The following C9 variants were observed in gnomAD, a reference collection of about 807,000 sequenced individuals.
C9 encodes the protein complement C9, also known as complement component C9.
C9 carries 63 observed loss-of-function variants against 65.4 expected under a neutral mutation model. The observed-to-expected ratio is 0.96, with a 90% CI of 0.79 to 1.19. The LOEUF is 1.19. Ranked by LOEUF, C9 falls within the 50% of genes most tolerant of loss-of-function variation. C9 has a pLI of 0.00. For missense variants in C9, 744 were observed against 670.1 expected, an observed-to-expected ratio of 1.11 and a Z score of -1.22; for synonymous variants, 229 against 227.9, an observed-to-expected ratio of 1.00 and a Z score of -0.04.
intron 4 of C9, among the ~76,000 whole-genome samples, chr5:39,340,224 G>C (rs1754049968): frequency 6.6e-6 from 1 of 152,114 alleles, no homozygotes; most frequent in African/African-American, 2.4e-5. Context: ...TATGACCCAG[G>C]CACAGGAATT....
intron 4 of C9, among the ~76,000 whole-genome samples, chr5:39,336,165 C>A (rs1190012675): frequency 1.3e-5 from 2 of 152,100 alleles, no homozygotes; most frequent in Non-Finnish European, 2.9e-5. Context: ...TGATATTTTT[C>A]TAACAGTTGG....
intron 5 of C9, among the ~76,000 whole-genome samples, chr5:39,324,255 A>G (rs567150988): frequency 8.2e-4 from 125 of 152,326 alleles, no homozygotes; most frequent in African/African-American, 3.0e-3. Flanking sequence ...TGATCTGCAG[A>G]CTCAATGCAA....
chr5:39,286,147 G>A (rs1579833246), intron 10 of C9, among the ~76,000 whole-genome samples: 2 of 152,080 alleles, frequency 1.3e-5, no homozygotes, highest in South Asian at 2.1e-4. Flanking sequence ...TATGGAACCC[G>A]AACCAAGAAC....
intron 5 of C9, among the ~76,000 whole-genome samples, chr5:39,320,849 A>T (rs187295026): frequency 1.6e-4 from 25 of 152,280 alleles, no homozygotes; most frequent in Admixed American, 1.6e-3. Flanking sequence ...AAAGCCTTGA[A>T]TCCAGGAGAG....
chr5:39,304,952 G>T (rs970925052), intron 9 of C9, among the ~76,000 whole-genome samples: 2 of 152,100 alleles, frequency 1.3e-5, no homozygotes, highest in Non-Finnish European at 2.9e-5. Flanking sequence ...TCTCTAGAAC[G>T]TGCTGAACTA....
chr5:39,339,511 G>A (rs1754030352), intron 4 of C9, among the ~76,000 whole-genome samples: 1 of 151,906 alleles, frequency 6.6e-6, no homozygotes, highest in African/African-American at 2.4e-5. Flanking sequence ...TCTCAACCTC[G>A]GCACTGACGC....
chr5:39,289,529 C>T (rs1212822665), intron 9 of C9, among the ~76,000 whole-genome samples: 2 of 151,596 alleles, frequency 1.3e-5, no homozygotes, highest in South Asian at 4.1e-4. Context: ...GAAAGAGATT[C>T]CTCCAGAATA....
chr5:39,292,826 A>G (rs951216256), intron 9 of C9, among the ~76,000 whole-genome samples: 1 of 120,722 alleles, frequency 8.3e-6, no homozygotes, highest in Non-Finnish European at 2.0e-5. Context: ...AAGGCAGACT[A>G]TGATAAATTA....
chr5:39,303,341 A>C (rs1487402825), intron 9 of C9, among the ~76,000 whole-genome samples: 3 of 152,046 alleles, frequency 2.0e-5, no homozygotes, highest in Non-Finnish European at 2.9e-5. Flanking sequence ...GAGAAAGGCC[A>C]AGGAGAGATT....
rs1330093606 is a variant in C9, at chr5:39,364,408, G to T, written c.57C>A (p.Leu19=). 1 of 1,601,912 alleles carries T rather than the reference G, an allele frequency of 6.2e-7. No homozygotes were observed. Among genetic ancestry groups the T allele is most frequent in the Non-Finnish European group, 8.6e-7 (1 of 1,168,998 alleles). The stretch of plus-strand genomic sequence containing the variant: ...CTCACCTGGTCGTGTACTGTGCTGT[G>T]AGGATGCTTATTTCTAAAATGCAGA... The part of the protein sequence containing the change: ...VAICILEISI[L]TAQYTTSYDP... The change falls in exon 1 of 11, where the codon CTC becomes CTA. Residue 19 remains leucine (L), a synonymous_variant. Transcript: ENST00000263408.
At chr5:39,318,672 C>G (rs1289137977) in intron 5 of C9, among the ~76,000 whole-genome samples, 1 of 151,508 alleles carries the variant, frequency 6.6e-6, no homozygotes, top group Non-Finnish European at 1.5e-5. Flanking sequence ...TAACTCTTGT[C>G]TGGGAAGGGG....
intron 4 of C9, among the ~76,000 whole-genome samples, chr5:39,332,053 C>A (rs1753850873): frequency 6.6e-6 from 1 of 152,120 alleles, no homozygotes; most frequent in Non-Finnish European, 1.5e-5. Context: ...GTTTAGAGTG[C>A]AATGAAAGAA....
Position 39,364,406 on chromosome 5 carries a change from G to C in C9, c.59C>G (p.Thr20Arg). 1 of 1,599,992 alleles carries C rather than the reference G, an allele frequency of 6.3e-7. No homozygotes were observed. Among genetic ancestry groups the C allele is most frequent in the African/African-American group, 1.3e-5 (1 of 74,758 alleles). Residue 20 changes from threonine to arginine, a missense_variant, in exon 1 of 11, where the codon ACA becomes AGA. Coordinates refer to ENST00000263408, the MANE Select transcript of C9 (RefSeq NM_001737.5). ...GACTCACCTGGTCGTGTACTGTGCT[G>C]TGAGGATGCTTATTTCTAAAATGCA... ...AICILEISIL[T>R]AQYTTSYDPE...
At chr5:39,285,331 C>T in intron 10 of C9, 98 bp from the exon 11 acceptor site, 1 of 879,944 alleles carries the variant, frequency 1.1e-6, no homozygotes, top group Non-Finnish European at 1.9e-6. Context: ...TCCTCTTGCA[C>T]CACGTTGTGC....
At chr5:39,333,595 C>G (rs1275635714) in intron 4 of C9, among the ~76,000 whole-genome samples, 1 of 77,654 alleles carries the variant, frequency 1.3e-5, no homozygotes, top group Admixed American at 1.7e-4. Flanking sequence ...TCTCCCTCTC[C>G]GTCTCCCTCT....
rs1454337883 is a variant in C9, at chr5:39,284,833, G to A, written c.*366C>T. On this transcript the variant is annotated 3_prime_UTR_variant, in exon 11 of 11. Transcript: ENST00000263408. Reference sequence around the variant, plus strand: ...GTACAGACGTGTGGTCATGGACCTGGCAGAATATGTTAACCATACAAAGCC... The same window carrying A: ...GTACAGACGTGTGGTCATGGACCTGACAGAATATGTTAACCATACAAAGCC... 1 of 277,462 alleles carries A rather than the reference G, an allele frequency of 3.6e-6. No individual in the cohort carries two copies. Among genetic ancestry groups the A allele is most frequent in the Non-Finnish European group, 6.9e-6 (1 of 145,064 alleles). 17.2% of individuals were successfully genotyped at this position (277,462 alleles called of 1,614,324 possible).
intron 1 of C9, among the ~76,000 whole-genome samples, chr5:39,345,971 A>T (rs977298137): frequency 6.6e-6 from 1 of 152,220 alleles, no homozygotes; most frequent in African/African-American, 2.4e-5. Flanking sequence ...TTTGAAACCA[A>T]TGAGAACAAA....
intron 10 of C9, among the ~76,000 whole-genome samples, chr5:39,286,965 C>T (rs541419666): frequency 5.9e-5 from 9 of 152,008 alleles, no homozygotes; most frequent in African/African-American, 2.2e-4. Flanking sequence ...ACTTTGGCTA[C>T]ATAATTGTTT....
intron 5 of C9, among the ~76,000 whole-genome samples, chr5:39,321,584 T>C (rs762460533): frequency 2.0e-5 from 3 of 151,940 alleles, no homozygotes; most frequent in Non-Finnish European, 2.9e-5. Flanking sequence ...TACCGATAAT[T>C]ATCTTAAATG....
Sources: gnomAD v4.1 joint callset for allele counts (sites outside exome capture counted in the v4.1 genomes callset) on GRCh38, gnomAD v4.1.1 for gene constraint, MANE v1.5 for transcripts, NCBI Gene and HGNC (gene_info 2026-07-23, HGNC 2026-07-21) for gene names.